DOCK1: variants seen among roughly 807,000 people sequenced by gnomAD.
The protein encoded by DOCK1 is dedicator of cytokinesis protein 1.
Under a neutral mutation model 262.7 loss-of-function variants are expected in DOCK1, and 138 were observed. That is an observed-to-expected ratio of 0.53 (90% CI 0.46 to 0.61). The LOEUF is 0.61. DOCK1 is among the 20% of genes least tolerant of loss of function. The pLI is 0.00. For missense variants in DOCK1, 1,908 were observed against 2,370.7 expected (o/e 0.80, Z 4.05); for synonymous variants, 866 against 867.4 (o/e 1.00, Z 0.03).
intron 27 of DOCK1, among the ~76,000 whole-genome samples, chr10:127,196,458 G>T (rs1404213099): frequency 6.7e-6 from 1 of 148,548 alleles, no homozygotes; most frequent in Non-Finnish European, 1.5e-5. Flanking sequence ...GCAGAGGAGG[G>T]AGCAGGAGGG....
chr10:127,334,249 T>C (rs1355539695), intron 29 of DOCK1, among the ~76,000 whole-genome samples: 2 of 152,212 alleles, frequency 1.3e-5, no homozygotes, highest in East Asian at 1.9e-4. Flanking sequence ...CATTGATAGA[T>C]AGATAGACAT....
At chr10:127,240,547 T>C (rs896905172) in intron 27 of DOCK1, among the ~76,000 whole-genome samples, 1 of 152,206 alleles carries the variant, frequency 6.6e-6, no homozygotes, top group African/African-American at 2.4e-5. Flanking sequence ...TTATGTCTTA[T>C]GCTTAATCAA....
chr10:127,309,968 C>G (rs2062005383), intron 29 of DOCK1, among the ~76,000 whole-genome samples: 1 of 151,928 alleles, frequency 6.6e-6, no homozygotes, highest in African/African-American at 2.4e-5. Flanking sequence ...CTCCACCTCC[C>G]AGGTTCAAGC....
rs2070979948 is a variant in DOCK1 at position 127,451,642 on chromosome 10, G to A, written c.*215G>A. On this transcript the variant is annotated 3_prime_UTR_variant, in exon 52 of 52. Coordinates refer to ENST00000623213, the MANE Select transcript of DOCK1 (RefSeq NM_001290223.2). Reference sequence around the variant, plus strand: ...GGTCTGGGAGGTAGATATGGGTCCGGGATGTGCTATCGTAGTTATCAGAGT... The same window carrying A: ...GGTCTGGGAGGTAGATATGGGTCCGAGATGTGCTATCGTAGTTATCAGAGT... 3.4e-6 allele frequency: 4 copies of A among 1,175,196 alleles called. No individual in the cohort carries two copies. The highest frequency in any genetic ancestry group is 1.6e-5 in the African/African-American group (1 of 64,314). The allele number at this position is 1,175,196 out of a possible 1,614,324, so 72.8% of individuals were successfully genotyped here. A position where few individuals can be genotyped will look rare whatever the true frequency, so the allele number is the denominator to read the frequency against.
rs184791151 is a variant in DOCK1, at chr10:127,140,585, A to C, written c.2847+12821A>C. Among the ~76,000 whole-genome samples the C allele has an allele frequency of 1.3e-3, 200 of 152,256 alleles. 3 individuals are homozygous for C. Among genetic ancestry groups the C allele is most frequent in the Admixed American group, 0.013 (196 of 15,284 alleles). On this transcript the variant is annotated intron_variant, in intron 27 of 51. Coordinates refer to ENST00000623213, the MANE Select transcript of DOCK1 (RefSeq NM_001290223.2). Reference sequence around the variant, plus strand: ...TTGTTCTGGACACTGCTTCCTGCTCAAGGACTTTTCTTGGGGAAGCACACC... The same window carrying C: ...TTGTTCTGGACACTGCTTCCTGCTCCAGGACTTTTCTTGGGGAAGCACACC...
chr10:127,285,432 C>T (rs530853956), intron 29 of DOCK1, among the ~76,000 whole-genome samples: 6 of 152,210 alleles, frequency 3.9e-5, no homozygotes, highest in Non-Finnish European at 7.3e-5. Flanking sequence ...ATGGCTCATC[C>T]TCCATAAATG....
chr10:127,100,888 C>T lies in DOCK1; in HGVS notation c.2446-5343C>T, dbSNP rs935735021. On this transcript the variant is annotated intron_variant, in intron 23 of 51. Transcript: ENST00000623213. The surrounding 1 kb of genome is among the most constrained non-coding windows in gnomAD (Gnocchi z 5.5). ...TGTGGGAAGTGGACGCAGGCCTTGC[C>T]CACACTGTGGGGTATTGTCCGATGG... Among the ~76,000 whole-genome samples the T allele has an allele frequency of 6.6e-6, 1 of 152,068 alleles. No individual in the cohort carries two copies. Among genetic ancestry groups the T allele is most frequent in the African/African-American group, 2.4e-5 (1 of 41,402 alleles).
Position 127,354,657 on chromosome 10 carries a change from C to T in DOCK1, c.3225-12C>T. ...GGAGTGATTCAGCGTTTTTCTTTTC[C>T]CTGATTTCCAGGTACGGAGATATGA... is the stretch of plus-strand genomic sequence containing the variant. On this transcript the variant is annotated splice_polypyrimidine_tract_variant and intron_variant, in intron 31 of 51. Coordinates refer to ENST00000623213, the MANE Select transcript of DOCK1 (RefSeq NM_001290223.2). 1 of 1,613,526 alleles carries T rather than the reference C, an allele frequency of 6.2e-7. No homozygotes were observed. The highest frequency in any genetic ancestry group is 8.5e-7 in the Non-Finnish European group (1 of 1,179,642).
At position 127,409,411 on chromosome 10, in the gene DOCK1, T is replaced by TA; in HGVS notation, c.4343+21dup. 1 of 1,612,656 alleles carries TA rather than the reference T, an allele frequency of 6.2e-7. No homozygotes were observed. The highest frequency in any genetic ancestry group is 8.5e-7 in the Non-Finnish European group (1 of 1,178,656). ...TGTAAGGTAATAATCCCATTTTTCT[T>TA]ACCCAACGTGAGGGTTGTAAGAGGC... On this transcript the variant is annotated intron_variant, in intron 42 of 51. Coordinates refer to ENST00000623213, the MANE Select transcript of DOCK1 (RefSeq NM_001290223.2).
chr10:127,264,534 A>G (rs1216627563), intron 29 of DOCK1, among the ~76,000 whole-genome samples: 2 of 152,262 alleles, frequency 1.3e-5, no homozygotes, highest in African/African-American at 2.4e-5. Flanking sequence ...GATGCTTTCT[A>G]GAAGTTGAAA....
chr10:127,347,056 C>A (rs1267024935), intron 31 of DOCK1, among the ~76,000 whole-genome samples: 2 of 152,214 alleles, frequency 1.3e-5, no homozygotes, highest in Non-Finnish European at 2.9e-5. Flanking sequence ...AGTCTTCATG[C>A]CACTTGATAA....
At chr10:126,947,550 G>A (rs1293642238) in intron 1 of DOCK1, among the ~76,000 whole-genome samples, 2 of 119,878 alleles carry the variant, frequency 1.7e-5, no homozygotes, top group Non-Finnish European at 3.5e-5. Context: ...GGTGGTGATG[G>A]TGGTGGTTGG....
chr10:127,280,009 C>CATATATATATATATATATATATATAT (rs10525314), intron 29 of DOCK1, among the ~76,000 whole-genome samples: 2 of 114,328 alleles, frequency 1.7e-5, no homozygotes, highest in African/African-American at 3.5e-5. Context: ...AATTTTATTT[C>CATATATATATATATATATATATATAT]ATATATATAT....
chr10:127,119,817 A>G (rs1345476732), intron 25 of DOCK1, among the ~76,000 whole-genome samples: 1 of 152,226 alleles, frequency 6.6e-6, no homozygotes, highest in East Asian at 1.9e-4. Flanking sequence ...TTGTATTTGC[A>G]TCTTGCTTTA....
chr10:126,967,465 A>G (rs1318931647), intron 1 of DOCK1, among the ~76,000 whole-genome samples: 1 of 152,184 alleles, frequency 6.6e-6, no homozygotes, highest in Non-Finnish European at 1.5e-5. Flanking sequence ...TCAGTGAACC[A>G]CAAAGTACCA....
intron 22 of DOCK1, among the ~76,000 whole-genome samples, chr10:127,055,997 G>A (rs1369456744): frequency 1.3e-5 from 2 of 152,206 alleles, no homozygotes; most frequent in African/African-American, 4.8e-5. Flanking sequence ...CACAAACTGA[G>A]TTTCTTTGCT....
In DOCK1 at chr10:126,948,248, GAT is replaced by G. The variant is rs2035746787; in HGVS notation, c.47-22453_47-22452del. ...GGTTGGTAGTATTACTGTTGGTGGTGATGGTGGTGGTTGGTAGTATTACTGTT... is the reference window on the plus strand; with the variant it reads ...GGTTGGTAGTATTACTGTTGGTGGTGGGTGGTGGTTGGTAGTATTACTGTT... On this transcript the variant is annotated intron_variant, in intron 1 of 51. Transcript: ENST00000623213. 2.1e-4 allele frequency among the ~76,000 whole-genome samples: 8 copies of G among 37,470 alleles called. 2 individuals carry two copies. The highest frequency in any genetic ancestry group is 4.4e-4 in the African/African-American group (5 of 11,254). 24.6% of individuals were successfully genotyped at this position (37,470 alleles called of 152,430 possible). A position where few individuals can be genotyped will look rare whatever the true frequency, so the allele number is the denominator to read the frequency against.
At chr10:127,361,152 C>A (rs1397450099) in intron 32 of DOCK1, among the ~76,000 whole-genome samples, 2 of 117,398 alleles carry the variant, frequency 1.7e-5, no homozygotes, top group African/African-American at 3.4e-5. Context: ...CTTGCTCTGT[C>A]GCCCAGGCTG....
At chr10:126,939,301 C>T (rs918733806) in intron 1 of DOCK1, among the ~76,000 whole-genome samples, 1 of 152,182 alleles carries the variant, frequency 6.6e-6, no homozygotes, top group East Asian at 1.9e-4. Flanking sequence ...AGTTTCAACA[C>T]ATGAATTCTG....
Sources: gnomAD v4.1 joint callset for allele counts (sites outside exome capture counted in the v4.1 genomes callset) on GRCh38, gnomAD v4.1.1 for gene constraint, Gnocchi (gnomAD v3.1) non-coding constraint, MANE v1.5 for transcripts, NCBI Gene and HGNC (gene_info 2026-07-23, HGNC 2026-07-21) for gene names.